Variants in SYTL2 observed in about 807,000 individuals in gnomAD.
SYTL2 encodes the protein synaptotagmin like 2.
Under a neutral mutation model 198.7 loss-of-function variants are expected in SYTL2, and 165 were observed. The observed-to-expected ratio is 0.83, with a 90% CI of 0.73 to 0.94. The LOEUF (loss-of-function observed/expected upper bound fraction) is 0.94. Ranked by LOEUF, SYTL2 falls within the 40% of genes least tolerant of loss-of-function variation. The pLI is 0.00. For synonymous variants in SYTL2, 966 were observed against 917.7 expected, an observed-to-expected ratio of 1.05 and a Z score of -0.95; for missense variants, 2,835 against 2,582.8, an observed-to-expected ratio of 1.10 and a Z score of -2.12.
chr11:85,795,144 A>T (rs1380692381), intron 1 of SYTL2, among the ~76,000 whole-genome samples: 1 of 152,182 alleles, frequency 6.6e-6, no homozygotes, highest in Non-Finnish European at 1.5e-5. Context: ...TCCATAGTGA[A>T]CCTTGTATTA....
chr11:85,764,770 T>G (rs2092193626), intron 1 of SYTL2, among the ~76,000 whole-genome samples: 2 of 152,182 alleles, frequency 1.3e-5, no homozygotes, highest in African/African-American at 4.8e-5. Context: ...AGGATATGCA[T>G]GAGATAGAGG....
chr11:85,783,207 G>A (rs2092588799), intron 1 of SYTL2, among the ~76,000 whole-genome samples: 1 of 152,150 alleles, frequency 6.6e-6, no homozygotes, highest in Non-Finnish European at 1.5e-5. Context: ...ATGACAGAAG[G>A]GGAAGCAAAC....
In SYTL2 at chr11:85,777,812, C is replaced by CTTTTTTTTTTTTTTTTTTTTT. The variant is rs57873368; in HGVS notation, c.-389-19719_-389-19699dup. Among the ~76,000 whole-genome samples, 2 of 63,290 alleles carry CTTTTTTTTTTTTTTTTTTTTT rather than the reference C, an allele frequency of 3.2e-5. 1 individual carries two copies. Among genetic ancestry groups the CTTTTTTTTTTTTTTTTTTTTT allele is most frequent in the African/African-American group, 1.1e-4 (2 of 17,530 alleles). The allele number at this position is 63,290 out of a possible 152,430, so 41.5% of individuals were successfully genotyped here. A position where few individuals can be genotyped will look rare whatever the true frequency, so the allele number is the denominator to read the frequency against. ...CTTACCAGAATTACAGGTCTTACTT[C>CTTTTTTTTTTTTTTTTTTTTT]TTTTTTTTTTTTTTTTTTTTTTTTT... On this transcript the variant is annotated intron_variant, in intron 1 of 19. Transcript: ENST00000359152.
rs190957799 is a variant in SYTL2, at chr11:85,785,160, C to T, written c.-390+25794G>A. ...TCGCTGAGTGAAAAGGACTTGAGTG[C>T]CCAGCTAAGAGCTGGAAGGCAAAAC... is the stretch of plus-strand genomic sequence containing the variant. On this transcript the variant is annotated intron_variant, in intron 1 of 19. Coordinates refer to ENST00000359152, the MANE Select transcript of SYTL2 (RefSeq NM_206927.4). Among the ~76,000 whole-genome samples, 616 of 152,284 alleles carry T rather than the reference C, an allele frequency of 4.0e-3. 6 individuals are homozygous for T. The highest frequency in any genetic ancestry group is 0.014 in the African/African-American group (588 of 41,558).
chr11:85,815,884 C>T (rs2093060657), upstream of SYTL2, among the ~76,000 whole-genome samples: 1 of 152,190 alleles, frequency 6.6e-6, no homozygotes, highest in South Asian at 2.1e-4. Context: ...GAAAAACTGG[C>T]TGGGCACGGT....
the SYTL2 span, among the ~76,000 whole-genome samples, chr11:85,841,343 C>T: frequency 6.6e-6 from 1 of 152,178 alleles, no homozygotes; most frequent in Non-Finnish European, 1.5e-5. Context: ...GGAATATAAT[C>T]GTCCTACTAC....
At position 85,707,713 on chromosome 11, in the gene SYTL2, G is replaced by A. The variant is rs536395393; in HGVS notation, c.5916-182C>T. Among the ~76,000 whole-genome samples the A allele has an allele frequency of 5.9e-5, 9 of 152,194 alleles. No homozygotes were observed. In the South Asian group the frequency reaches 1.2e-3, roughly 21 times the overall value. ...CTTAAATGTGTAAAGGGTTTTAGTG[G>A]AATTGATCATTTTATATTGTTTTGA... On this transcript the variant is annotated intron_variant, in intron 14 of 19. Coordinates refer to ENST00000359152, the MANE Select transcript of SYTL2 (RefSeq NM_206927.4).
chr11:85,725,887 T>G lies in SYTL2; in HGVS notation c.3471A>C (p.Gly1157=). The change falls in exon 8 of 20, where the codon GGA becomes GGC. Residue 1157 remains glycine, a synonymous_variant. Coordinates refer to ENST00000359152, the MANE Select transcript of SYTL2 (RefSeq NM_206927.4). ...AIQPSGGKVH[G]KQVLEPSVSE... ...AAACACTTGGTTCAAGCACTTGTTTTCCATGAACTTTTCCACCAGAGGGTT... is the reference window on the plus strand; with the variant it reads ...AAACACTTGGTTCAAGCACTTGTTTGCCATGAACTTTTCCACCAGAGGGTT... 6.2e-7 allele frequency: 1 copy of G among 1,613,808 alleles called. No homozygotes were observed. Among genetic ancestry groups the G allele is most frequent in the Non-Finnish European group, 8.5e-7 (1 of 1,179,946 alleles).
chr11:85,828,410 T>C, the SYTL2 span, among the ~76,000 whole-genome samples: 2 of 152,222 alleles, frequency 1.3e-5, no homozygotes, highest in African/African-American at 2.4e-5. Flanking sequence ...CTTTGTAGAA[T>C]GATTCAACCG....
intron 2 of SYTL2, among the ~76,000 whole-genome samples, chr11:85,751,606 G>C (rs1444804433): frequency 6.6e-6 from 1 of 152,214 alleles, no homozygotes; most frequent in Non-Finnish European, 1.5e-5. Flanking sequence ...GGCTGAAGAA[G>C]AGCACTCAAT....
chr11:85,732,935 T>C (rs898751401), intron 7 of SYTL2, among the ~76,000 whole-genome samples: 6 of 152,140 alleles, frequency 3.9e-5, no homozygotes, highest in African/African-American at 1.4e-4. Context: ...TTATGATTAC[T>C]TCATGATCAT....
intron 16 of SYTL2, 152 bp from the exon 17 acceptor site, chr11:85,700,745 T>C (rs1489489165): frequency 1.7e-6 from 1 of 591,980 alleles, no homozygotes; most frequent in Admixed American, 3.2e-5. Context: ...GCATCAGAAC[T>C]AGACTGTTGC....
At chr11:85,833,083 GAAAGAAA>G in the SYTL2 span, among the ~76,000 whole-genome samples, 14 of 50,956 alleles carry the variant, frequency 2.7e-4, 1 homozygote, top group East Asian at 1.2e-3. Context: ...AAGAAAGAAA[GAAAGAAA>G]GAAAGAAAGA....
intron 12 of SYTL2, among the ~76,000 whole-genome samples, chr11:85,713,742 C>G (rs898198149): frequency 5.9e-5 from 9 of 152,190 alleles, no homozygotes; most frequent in African/African-American, 2.2e-4. Context: ...AGGTACCTGG[C>G]ACATATTAGG....
intron 19 of SYTL2, 37 bp downstream of exon 19, chr11:85,696,146 T>A (rs1488435988): frequency 1.3e-6 from 2 of 1,581,340 alleles, no homozygotes; most frequent in Non-Finnish European, 8.7e-7. Context: ...CTAGAAAAAT[T>A]TGGCTCATGG....
the SYTL2 span, among the ~76,000 whole-genome samples, chr11:85,825,088 G>T: frequency 5.9e-5 from 9 of 152,150 alleles, no homozygotes; most frequent in African/African-American, 2.2e-4. Flanking sequence ...CTAATACATA[G>T]CTTACTTATG....
Position 85,723,996 on chromosome 11 carries a change from A to T in SYTL2, c.5326+36T>A, listed in dbSNP as rs577715315. 1.1e-4 allele frequency: 133 copies of T among 1,249,540 alleles called. No individual in the cohort carries two copies. The South Asian group carries it at 2.6e-3, about 25-fold the overall frequency. 77.4% of individuals were successfully genotyped at this position (1,249,540 alleles called of 1,614,324 possible). ...CCTTTACATCAGCATTCCATAAAGC[A>T]GACTCACTGTGAGTTAAAAAATTTT... On this transcript the variant is annotated intron_variant, in intron 8 of 19. Coordinates refer to ENST00000359152, the MANE Select transcript of SYTL2 (RefSeq NM_206927.4).
At chr11:85,706,785 T>C (rs1473375297) in intron 15 of SYTL2, among the ~76,000 whole-genome samples, 1 of 152,188 alleles carries the variant, frequency 6.6e-6, no homozygotes, top group Non-Finnish European at 1.5e-5. Flanking sequence ...TATAAGATCA[T>C]TCTGGTTGCA....
At chr11:85,851,554 A>G in the SYTL2 span, among the ~76,000 whole-genome samples, 4 of 152,384 alleles carry the variant, frequency 2.6e-5, no homozygotes, top group East Asian at 1.9e-4. Context: ...ATCATTCAAC[A>G]TGGCAAGGCT....
Sources: allele counts gnomAD v4.1 joint callset (sites outside exome capture counted in the v4.1 genomes callset), GRCh38; gene constraint gnomAD v4.1.1; transcripts MANE v1.5; gene names NCBI Gene and HGNC (gene_info 2026-07-23, HGNC 2026-07-21).